The following STK32B variants were observed in gnomAD, a reference collection of about 807,000 sequenced individuals.
STK32B encodes serine/threonine-protein kinase 32B.
Under a neutral mutation model 52.6 loss-of-function variants are expected in STK32B, and 43 were observed. That is an observed-to-expected ratio of 0.82 (90% CI 0.64 to 1.05). The LOEUF is 1.05. Among genes scored for constraint, STK32B ranks in the 50% least tolerant of loss-of-function variants. STK32B has a pLI of 0.00. For synonymous variants in STK32B, 238 were observed against 204.3 expected (o/e 1.17, Z -1.41); for missense variants, 621 against 534.6 (o/e 1.16, Z -1.59).
chr4:5,099,454 G>GCGCGCGTGCGCGCACACA (rs68114862), intron 1 of STK32B, among the ~76,000 whole-genome samples: 4 of 129,744 alleles, frequency 3.1e-5, no homozygotes, highest in Non-Finnish European at 7.4e-5. Context: ...GTGTGTGCGC[G>GCGCGCGTGCGCGCACACA]CGCGCGTATG....
At chr4:5,361,170 T>A (rs1734523390) in intron 4 of STK32B, among the ~76,000 whole-genome samples, 1 of 152,244 alleles carries the variant, frequency 6.6e-6, no homozygotes, top group African/African-American at 2.4e-5. Context: ...GCATGTAGAA[T>A]GATATTGCAT....
chr4:5,435,771 A>G, intron 6 of STK32B: 1 of 152,340 alleles, frequency 6.6e-6, no homozygotes, highest in Non-Finnish European at 1.5e-5. Context: ...TCAAGAGAAA[A>G]GGGAGACAAC....
intron 3 of STK32B, among the ~76,000 whole-genome samples, chr4:5,176,238 G>C (rs555581545): frequency 3.3e-5 from 5 of 152,266 alleles, no homozygotes; most frequent in Admixed American, 2.6e-4. Flanking sequence ...TCTCTGACCC[G>C]TTGCACTTCC....
chr4:5,341,401 G>A (rs1261420316), intron 4 of STK32B, among the ~76,000 whole-genome samples: 1 of 152,166 alleles, frequency 6.6e-6, no homozygotes, highest in African/African-American at 2.4e-5. Flanking sequence ...ATTATTCATG[G>A]ATACCCAAAA....
At chr4:5,181,329 G>GACACAT (rs1553845975) in intron 3 of STK32B, among the ~76,000 whole-genome samples, 1 of 138,020 alleles carries the variant, frequency 7.2e-6, no homozygotes, top group African/African-American at 2.7e-5. Flanking sequence ...TGGAGAGTGA[G>GACACAT]ACACACACAC....
chr4:5,153,528 A>C (rs951732090), intron 2 of STK32B, among the ~76,000 whole-genome samples: 1 of 152,016 alleles, frequency 6.6e-6, no homozygotes, highest in South Asian at 2.1e-4. Flanking sequence ...AGCTCTAAAG[A>C]AAGTAGGGCC....
rs739967 is a variant in STK32B at position 5,418,944 on chromosome 4, C to T, written c.562+2010C>T. Among the ~76,000 whole-genome samples the T allele has an allele frequency of 3.4e-3, 521 of 152,312 alleles. 2 individuals are homozygous for T. Among genetic ancestry groups the T allele is most frequent in the African/African-American group, 0.012 (501 of 41,564 alleles). On this transcript the variant is annotated intron_variant, in intron 6 of 11. Transcript: ENST00000282908. ...ATGGCCTGAGGAAGAAGAGACCTCCCTGAGCCCTTGGCAAAGCCTAAATTC... is the reference window on the plus strand; with the variant it reads ...ATGGCCTGAGGAAGAAGAGACCTCCTTGAGCCCTTGGCAAAGCCTAAATTC...
the STK32B span, among the ~76,000 whole-genome samples, chr4:5,045,913 G>C: frequency 6.6e-6 from 1 of 152,156 alleles, no homozygotes; most frequent in African/African-American, 2.4e-5. Flanking sequence ...TCTCTTGCCT[G>C]ATTGCCCTGG....
intron 6 of STK32B, among the ~76,000 whole-genome samples, chr4:5,444,472 C>G (rs1034449512): frequency 6.6e-6 from 1 of 152,184 alleles, no homozygotes; most frequent in African/African-American, 2.4e-5. Flanking sequence ...GCGCACTGTG[C>G]GCACACCCAC....
At chr4:5,250,908 TG>T (rs1230250671) in intron 3 of STK32B, among the ~76,000 whole-genome samples, 3 of 152,230 alleles carry the variant, frequency 2.0e-5, no homozygotes, top group East Asian at 1.9e-4. Context: ...TTAATGGGGT[TG>T]TTTGCTTTTT....
At chr4:5,252,752 G>A (rs1015771213) in intron 3 of STK32B, among the ~76,000 whole-genome samples, 3 of 152,298 alleles carry the variant, frequency 2.0e-5, no homozygotes, top group East Asian at 3.9e-4. Context: ...GGTCTTAGGC[G>A]ATCTTTTTAG....
intron 1 of STK32B, among the ~76,000 whole-genome samples, chr4:5,123,845 TACC>T (rs1193413570): frequency 1.1e-4 from 5 of 43,542 alleles, no homozygotes; most frequent in East Asian, 8.0e-4. Context: ...CAACTATGAT[TACC>T]ACCACCACCA....
At chr4:5,367,014 G>A (rs967610509) in intron 4 of STK32B, among the ~76,000 whole-genome samples, 1 of 151,964 alleles carries the variant, frequency 6.6e-6, no homozygotes, top group Admixed American at 6.6e-5. Context: ...AGTAGTGAAG[G>A]GAGTTTAAAC....
chr4:5,372,552 A>T (rs1366274895), intron 4 of STK32B, among the ~76,000 whole-genome samples: 2 of 152,196 alleles, frequency 1.3e-5, no homozygotes, highest in Non-Finnish European at 2.9e-5. Flanking sequence ...ATATTTCATC[A>T]TACACTAGAC....
At position 5,051,652 on chromosome 4, in the gene STK32B, A is replaced by AGCGGGGTCCCTGCGAGC. The variant is rs1174811700; in HGVS notation, c.-209_-193dup. 3.6e-6 allele frequency: 2 copies of AGCGGGGTCCCTGCGAGC among 555,218 alleles called. No homozygotes were observed. Among genetic ancestry groups the AGCGGGGTCCCTGCGAGC allele is most frequent in the Non-Finnish European group, 6.1e-6 (2 of 329,220 alleles). The allele number at this position is 555,218 out of a possible 1,614,324, so 34.4% of individuals were successfully genotyped here. ...GGGGCACGGCGGAAGGCGCGGCGAG[A>AGCGGGGTCCCTGCGAGC]GCGGGGTCCCTGCGAGCGCAGTCGG... On this transcript the variant is annotated 5_prime_UTR_variant, in exon 1 of 12. Transcript: ENST00000282908.
intron 1 of STK32B, among the ~76,000 whole-genome samples, chr4:5,090,221 C>A (rs1712993903): frequency 6.6e-6 from 1 of 152,002 alleles, no homozygotes. Flanking sequence ...TTAATTAGAT[C>A]CCATTTGTCA....
chr4:5,159,667 GTATATGAATATATATATGAATA>G lies in STK32B; in HGVS notation c.109-8616_109-8595del, dbSNP rs1560186234. Reference sequence around the variant, plus strand: ...AATGTATATGAATATATATATGAATGTATATGAATATATATATGAATATATATGAATATATATGAATATATAT... The same window carrying G: ...AATGTATATGAATATATATATGAATGTATATGAATATATATGAATATATAT... On this transcript the variant is annotated intron_variant, in intron 2 of 11. Transcript: ENST00000282908. Among the ~76,000 whole-genome samples the G allele has an allele frequency of 2.3e-3, 57 of 24,872 alleles. 7 individuals carry two copies. In the Middle Eastern group the frequency reaches 0.039, roughly 17 times the overall value. 16.3% of individuals were successfully genotyped at this position (24,872 alleles called of 152,430 possible).
At chr4:5,332,471 ACTT>A (rs1200344397) in intron 4 of STK32B, among the ~76,000 whole-genome samples, 1 of 151,642 alleles carries the variant, frequency 6.6e-6, no homozygotes, top group Non-Finnish European at 1.5e-5. Flanking sequence ...ATTGTTGAAA[ACTT>A]CTTTTTATTT....
intron 3 of STK32B, among the ~76,000 whole-genome samples, chr4:5,170,568 C>T (rs1719288973): frequency 6.6e-6 from 1 of 151,276 alleles, no homozygotes; most frequent in African/African-American, 2.4e-5. Flanking sequence ...TGTGTGGTTT[C>T]TTGTCCTCGT....
Sources: gnomAD v4.1 joint callset for allele counts (sites outside exome capture counted in the v4.1 genomes callset) on GRCh38, gnomAD v4.1.1 for gene constraint, MANE v1.5 for transcripts, NCBI Gene and HGNC (gene_info 2026-07-23, HGNC 2026-07-21) for gene names.